Variants in ZNF609 observed in about 807,000 individuals in gnomAD.
The protein encoded by ZNF609 is zinc finger protein 609.
Under a neutral mutation model 109.5 loss-of-function variants are expected in ZNF609, and 11 were observed. That is an observed-to-expected ratio of 0.10 (90% CI 0.06 to 0.17). The LOEUF (loss-of-function observed/expected upper bound fraction) is 0.17. Ranked by LOEUF, ZNF609 falls within the 10% of genes least tolerant of loss-of-function variation. The pLI is 1.00. For synonymous variants in ZNF609, 646 were observed against 662.0 expected, an observed-to-expected ratio of 0.98 and a Z score of 0.37; for missense variants, 1,559 against 1,772.4, an observed-to-expected ratio of 0.88 and a Z score of 2.16.
At chr15:64,471,725 A>G (rs768735400) in intron 1 of ZNF609, among the ~76,000 whole-genome samples, 2 of 151,968 alleles carry the variant, frequency 1.3e-5, no homozygotes, top group African/African-American at 2.4e-5. Context: ...GTGGCATTAC[A>G]GGCATGCGGC....
At chr15:64,512,424 CT>C in intron 2 of ZNF609, among the ~76,000 whole-genome samples, 1 of 152,220 alleles carries the variant, frequency 6.6e-6, no homozygotes, top group East Asian at 1.9e-4. Flanking sequence ...AAACCAGTCT[CT>C]TTTCTCATTG....
intron 2 of ZNF609, among the ~76,000 whole-genome samples, chr15:64,567,651 CAT>C (rs1307794084): frequency 6.6e-6 from 1 of 151,946 alleles, no homozygotes; most frequent in Non-Finnish European, 1.5e-5. Context: ...CCCCTCCCAA[CAT>C]TTATTTTTTA....
At chr15:64,628,062 C>T (rs2140978647) in intron 3 of ZNF609, among the ~76,000 whole-genome samples, 1 of 151,486 alleles carries the variant, frequency 6.6e-6, no homozygotes, top group African/African-American at 2.4e-5. Flanking sequence ...CACTTGAGCC[C>T]AGGAGTTTGA....
intron 1 of ZNF609, among the ~76,000 whole-genome samples, chr15:64,479,187 A>G (rs536982301): frequency 6.6e-6 from 1 of 152,194 alleles, no homozygotes; most frequent in Admixed American, 6.6e-5. Flanking sequence ...TCCATAAGAA[A>G]GAAATTCAGT....
At chr15:64,616,838 G>GTCT (rs1895807174) in intron 2 of ZNF609, among the ~76,000 whole-genome samples, 1 of 5,254 alleles carries the variant, frequency 1.9e-4, no homozygotes, top group Non-Finnish European at 4.5e-4. Context: ...TTTTTTTTTT[G>GTCT]CACTCTGTCG....
At chr15:64,585,634 G>T (rs1895183108) in intron 2 of ZNF609, among the ~76,000 whole-genome samples, 1 of 152,114 alleles carries the variant, frequency 6.6e-6, no homozygotes, top group South Asian at 2.1e-4. Context: ...CTAGTTTCCA[G>T]TGTAGCTAGC....
rs547209578 is a variant in ZNF609 at position 64,615,417 on chromosome 15, A to G, written c.748-7410A>G. Among the ~76,000 whole-genome samples the G allele has an allele frequency of 3.3e-5, 5 of 151,896 alleles. No individual in the cohort carries two copies. The East Asian group carries it at 7.8e-4, about 24-fold the overall frequency. On this transcript the variant is annotated intron_variant, in intron 2 of 9. Coordinates refer to ENST00000326648, the MANE Select transcript of ZNF609 (RefSeq NM_015042.2). ...CTTGGCCTCCCAAAGTGCTGGGATT[A>G]CAGGTGTGAGCTACTGCCTCTGTCT...
chr15:64,661,783 C>G (rs1477969571), intron 3 of ZNF609, among the ~76,000 whole-genome samples: 2 of 152,174 alleles, frequency 1.3e-5, no homozygotes, highest in Non-Finnish European at 2.9e-5. Context: ...CATTTCTTCA[C>G]TGTTTTTGTA....
intron 3 of ZNF609, among the ~76,000 whole-genome samples, chr15:64,633,643 C>T (rs1363144319): frequency 6.6e-6 from 1 of 152,152 alleles, no homozygotes; most frequent in Non-Finnish European, 1.5e-5. Context: ...CACATTTGCC[C>T]TACAGTGGCA....
intron 1 of ZNF609, among the ~76,000 whole-genome samples, chr15:64,470,893 C>T (rs1323511748): frequency 6.6e-6 from 1 of 152,178 alleles, no homozygotes; most frequent in Non-Finnish European, 1.5e-5. Flanking sequence ...TTTTTATCAG[C>T]ATTTTTCAGT....
At chr15:64,473,026 CAT>C (rs1274980993) in intron 1 of ZNF609, among the ~76,000 whole-genome samples, 9 of 151,808 alleles carry the variant, frequency 5.9e-5, no homozygotes, top group African/African-American at 1.9e-4. Flanking sequence ...AAGCTTATGA[CAT>C]ATATATCTGA....
chr15:64,477,636 T>TC (rs923754989), intron 1 of ZNF609, among the ~76,000 whole-genome samples: 1 of 151,380 alleles, frequency 6.6e-6, no homozygotes, highest in Non-Finnish European at 1.5e-5. Flanking sequence ...TTTTTTTTTT[T>TC]TCTTTTTTTT....
chr15:64,683,036 T>C lies in ZNF609; in HGVS notation c.*1350T>C, dbSNP rs911459974. 6.6e-6 allele frequency: 1 copy of C among 152,666 alleles called. No individual in the cohort carries two copies. Among genetic ancestry groups the C allele is most frequent in the Admixed American group, 6.5e-5 (1 of 15,276 alleles). 9.5% of individuals were successfully genotyped at this position (152,666 alleles called of 1,614,324 possible). A position where few individuals can be genotyped will look rare whatever the true frequency, so the allele number is the denominator to read the frequency against. Reference sequence around the variant, plus strand: ...AACATTTCTCTGCTCTCCTTAGAAATGCAGTCTCCCAATGGAAGCTTTATA... The same window carrying C: ...AACATTTCTCTGCTCTCCTTAGAAACGCAGTCTCCCAATGGAAGCTTTATA... On this transcript the variant is annotated 3_prime_UTR_variant, in exon 10 of 10. Coordinates refer to ENST00000326648, the MANE Select transcript of ZNF609 (RefSeq NM_015042.2).
chr15:64,503,761 T>C (rs1467347947), intron 2 of ZNF609, among the ~76,000 whole-genome samples: 8 of 152,216 alleles, frequency 5.3e-5, no homozygotes, highest in Admixed American at 5.2e-4. Context: ...TTCCCGTGTT[T>C]GAATGTCAGC....
At chr15:64,598,886 A>C (rs548246157) in intron 2 of ZNF609, among the ~76,000 whole-genome samples, 139 of 150,052 alleles carry the variant, frequency 9.3e-4, no homozygotes, top group African/African-American at 3.3e-3. Flanking sequence ...TGCCCTCTAG[A>C]GAAGGCACCA....
chr15:64,609,395 A>G (rs1895678537), intron 2 of ZNF609, among the ~76,000 whole-genome samples: 1 of 151,486 alleles, frequency 6.6e-6, no homozygotes, highest in South Asian at 2.1e-4. Flanking sequence ...GTTAGCCAGG[A>G]TGGTCTTGAT....
At chr15:64,669,717 G>T (rs191137769) in intron 3 of ZNF609, among the ~76,000 whole-genome samples, 1 of 152,032 alleles carries the variant, frequency 6.6e-6, no homozygotes, top group Non-Finnish European at 1.5e-5. Flanking sequence ...ACCCATGCTG[G>T]AGTGCAGTGG....
At chr15:64,584,498 G>A (rs1216022671) in intron 2 of ZNF609, among the ~76,000 whole-genome samples, 1 of 151,642 alleles carries the variant, frequency 6.6e-6, no homozygotes, top group African/African-American at 2.4e-5. Flanking sequence ...ACAGAGTTTC[G>A]CCATGTTAGC....
At chr15:64,560,524 T>C (rs567773810) in intron 2 of ZNF609, among the ~76,000 whole-genome samples, 1 of 152,250 alleles carries the variant, frequency 6.6e-6, no homozygotes, top group Non-Finnish European at 1.5e-5. Context: ...ATTATTTAGA[T>C]GCTAAGAGAA....
Sources: gnomAD v4.1 joint callset for allele counts (sites outside exome capture counted in the v4.1 genomes callset) on GRCh38, gnomAD v4.1.1 for gene constraint, MANE v1.5 for transcripts, NCBI Gene and HGNC (gene_info 2026-07-23, HGNC 2026-07-21) for gene names.